Variants in LRRC1 observed in about 807,000 individuals in gnomAD.
LRRC1 encodes leucine-rich repeat-containing protein 1.
LRRC1 carries 28 observed loss-of-function variants against 69.9 expected under a neutral mutation model. The observed-to-expected ratio is 0.40, with a 90% CI of 0.30 to 0.55. The LOEUF (loss-of-function observed/expected upper bound fraction) is 0.55, where lower values mean the gene tolerates loss of function less well. Ranked by LOEUF, LRRC1 falls within the 20% of genes least tolerant of loss-of-function variation. The pLI is 0.47. For synonymous variants in LRRC1, 236 were observed against 240.2 expected, an observed-to-expected ratio of 0.98 and a Z score of 0.16; for missense variants, 498 against 609.0, an observed-to-expected ratio of 0.82 and a Z score of 1.92.
intron 2 of LRRC1, among the ~76,000 whole-genome samples, chr6:53,865,054 G>A (rs530804812): frequency 1.3e-5 from 2 of 152,086 alleles, no homozygotes; most frequent in African/African-American, 4.8e-5. Flanking sequence ...GCTCAGCATC[G>A]GCCAGGATGA....
intron 2 of LRRC1, among the ~76,000 whole-genome samples, chr6:53,846,915 C>G (rs1276197710): frequency 6.6e-6 from 1 of 152,182 alleles, no homozygotes; most frequent in Non-Finnish European, 1.5e-5. Flanking sequence ...CTAGGGCAGA[C>G]TTTCTTAATG....
intron 1 of LRRC1, among the ~76,000 whole-genome samples, chr6:53,801,331 T>C (rs1393302569): frequency 6.6e-6 from 1 of 152,252 alleles, no homozygotes; most frequent in Non-Finnish European, 1.5e-5. Flanking sequence ...ATGTTGAGCT[T>C]TCTTTTATGT....
At chr6:53,911,028 GCT>G (rs1358309813) in intron 10 of LRRC1, among the ~76,000 whole-genome samples, 1 of 152,254 alleles carries the variant, frequency 6.6e-6, no homozygotes, top group Non-Finnish European at 1.5e-5. Context: ...AACAACATGT[GCT>G]CTTTGTTGGC....
At position 53,920,608 on chromosome 6, in the gene LRRC1, G is replaced by T; in HGVS notation, c.1280-17G>T. ...ATGAAACGCAATTCCCTGCTTATGT[G>T]GTCTTTGTCACTGCAGAGAATCTGC... On this transcript the variant is annotated splice_polypyrimidine_tract_variant and intron_variant, in intron 12 of 13. Coordinates refer to ENST00000370888, the MANE Select transcript of LRRC1 (RefSeq NM_018214.5). The T allele has an allele frequency of 1.2e-6, 2 of 1,614,070 alleles. No homozygotes were observed. Among genetic ancestry groups the T allele is most frequent in the East Asian group, 4.5e-5 (2 of 44,880 alleles).
chr6:53,873,450 C>G (rs906417856), intron 2 of LRRC1, among the ~76,000 whole-genome samples: 1 of 139,984 alleles, frequency 7.1e-6, no homozygotes, highest in East Asian at 2.5e-4. Context: ...CGCCACCACG[C>G]CCGGCTAATT....
chr6:53,822,608 C>T (rs747685766), intron 1 of LRRC1, among the ~76,000 whole-genome samples: 5 of 152,122 alleles, frequency 3.3e-5, no homozygotes, highest in African/African-American at 1.2e-4. Context: ...AATGCGTGGA[C>T]GGTGAAGTGG....
chr6:53,842,303 G>T, intron 2 of LRRC1, 76 bp downstream of exon 2: 1 of 903,790 alleles, frequency 1.1e-6, no homozygotes, highest in Non-Finnish European at 1.8e-6. Context: ...ATAGCTACGA[G>T]TGAGAACATG....
chr6:53,873,241 C>G (rs1034858248), intron 2 of LRRC1, among the ~76,000 whole-genome samples: 28 of 144,778 alleles, frequency 1.9e-4, no homozygotes, highest in African/African-American at 6.6e-4. Context: ...TTAAAAATTT[C>G]TTTTTTAGGT....
At chr6:53,807,961 C>T (rs557154777) in intron 1 of LRRC1, among the ~76,000 whole-genome samples, 46 of 152,310 alleles carry the variant, frequency 3.0e-4, no homozygotes, top group African/African-American at 1.1e-3. Context: ...AAGGCTAGTG[C>T]AGCTGGAGCC....
intron 1 of LRRC1, among the ~76,000 whole-genome samples, chr6:53,807,946 G>A (rs986909597): frequency 7.2e-5 from 11 of 152,344 alleles, no homozygotes; most frequent in African/African-American, 2.6e-4. Flanking sequence ...TTTATGGGCA[G>A]AAAGAAGGCT....
Position 53,892,869 on chromosome 6 carries a change from C to G in LRRC1, c.447-3629C>G, listed in dbSNP as rs555318497. Among the ~76,000 whole-genome samples, 3 of 152,310 alleles carry G rather than the reference C, an allele frequency of 2.0e-5. No homozygotes were observed. In the East Asian group the frequency reaches 5.8e-4, roughly 29 times the overall value. Reference sequence around the variant, plus strand: ...TTCATTCTAGAATCACTTAGTGATACTTGGAACTGAGAATGACTTGTCCAG... The same window carrying G: ...TTCATTCTAGAATCACTTAGTGATAGTTGGAACTGAGAATGACTTGTCCAG... On this transcript the variant is annotated intron_variant, in intron 4 of 13. Coordinates refer to ENST00000370888, the MANE Select transcript of LRRC1 (RefSeq NM_018214.5).
intron 1 of LRRC1, among the ~76,000 whole-genome samples, chr6:53,812,689 C>T (rs1361506488): frequency 3.8e-5 from 3 of 79,120 alleles, no homozygotes; most frequent in Non-Finnish European, 4.6e-5. Flanking sequence ...GACTCCGTCT[C>T]AAAAAAAAAA....
At position 53,922,636 on chromosome 6, in the gene LRRC1, G is replaced by A. The variant is rs764321999; in HGVS notation, c.1418G>A (p.Arg473Lys). 2.5e-5 allele frequency: 40 copies of A among 1,604,044 alleles called. 1 individual carries two copies. In the Middle Eastern group the frequency reaches 5.1e-3, roughly 206 times the overall value. The change falls in exon 14 of 14, where the codon AGA (arginine) becomes AAA (lysine). Residue 473 changes from arginine (R) to lysine (K), a missense_variant and splice_region_variant. Transcript: ENST00000370888. ...ACTCACTCCACTGTTTGTTTTTAGAGAACACTTCTAAGGCGAGCCACTCCA... is the reference window on the plus strand; with the variant it reads ...ACTCACTCCACTGTTTGTTTTTAGAAAACACTTCTAAGGCGAGCCACTCCA... Reference protein sequence around the residue: ...DEKDEEDNETRTLLRRATPHP... With the variant: ...DEKDEEDNETKTLLRRATPHP...
chr6:53,853,579 C>T (rs1225684589), intron 2 of LRRC1, among the ~76,000 whole-genome samples: 1 of 152,078 alleles, frequency 6.6e-6, no homozygotes, highest in East Asian at 1.9e-4. Flanking sequence ...GCCACTGCAC[C>T]CAGCGTGTAA....
chr6:53,864,098 C>T (rs188006398), intron 2 of LRRC1, among the ~76,000 whole-genome samples: 10 of 152,228 alleles, frequency 6.6e-5, no homozygotes, highest in East Asian at 3.9e-4. Context: ...AAGATGACCA[C>T]GGATTCCTGA....
At chr6:53,814,801 T>G (rs2127406799) in intron 1 of LRRC1, among the ~76,000 whole-genome samples, 1 of 152,374 alleles carries the variant, frequency 6.6e-6, no homozygotes, top group East Asian at 1.9e-4. Flanking sequence ...CTTTGAAACC[T>G]GCATTACTGT....
chr6:53,887,350 A>G (rs142073043), intron 4 of LRRC1, among the ~76,000 whole-genome samples: 1 of 152,352 alleles, frequency 6.6e-6, no homozygotes, highest in Non-Finnish European at 1.5e-5. Context: ...CTTCCTTTTT[A>G]ATAACATTTC....
intron 1 of LRRC1, among the ~76,000 whole-genome samples, chr6:53,827,343 A>G (rs1001774334): frequency 6.0e-5 from 9 of 150,632 alleles, no homozygotes; most frequent in African/African-American, 1.5e-4. Context: ...AAGTAGTGTC[A>G]TGTTACTTCA....
rs1224458888 is a variant in LRRC1 at position 53,920,695 on chromosome 6, T to G, written c.1350T>G (p.Arg450=). 2 of 1,613,990 alleles carry G rather than the reference T, an allele frequency of 1.2e-6. No homozygotes were observed. Among genetic ancestry groups the G allele is most frequent in the Non-Finnish European group, 1.7e-6 (2 of 1,179,988 alleles). ...TCTCTGATGAAGCCTGGAACGAGCG[T>G]GCTGTCAACAGAGTCAGTGCGATCC... is the stretch of plus-strand genomic sequence containing the variant. ...NDVSDEAWNE[R]AVNRVSAIRF... Residue 450 remains arginine, a synonymous_variant, in exon 13 of 14, where the codon CGT becomes CGG. Coordinates refer to ENST00000370888, the MANE Select transcript of LRRC1 (RefSeq NM_018214.5).
Sources: allele counts gnomAD v4.1 joint callset (sites outside exome capture counted in the v4.1 genomes callset), GRCh38; gene constraint gnomAD v4.1.1; transcripts MANE v1.5; gene names NCBI Gene and HGNC (gene_info 2026-07-23, HGNC 2026-07-21).